The following EYA1 variants were observed in gnomAD, a reference collection of about 807,000 sequenced individuals.
EYA1 encodes the protein EYA transcriptional coactivator and phosphatase 1, also known as protein phosphatase EYA1.
EYA1 carries 16 observed loss-of-function variants against 82.0 expected under a neutral mutation model. The ratio of observed to expected loss-of-function variants is 0.20; its 90% CI spans 0.13 to 0.30. The LOEUF is 0.30. EYA1 is among the 10% of genes least tolerant of loss of function. The pLI, the probability that EYA1 is intolerant of heterozygous loss-of-function variation, is 1.00. For synonymous variants in EYA1, 261 were observed against 264.4 expected, an observed-to-expected ratio of 0.99 and a Z score of 0.12; for missense variants, 633 against 730.7, an observed-to-expected ratio of 0.87 and a Z score of 1.54.
chr8:71,235,807 G>T (rs1811763054), intron 12 of EYA1, among the ~76,000 whole-genome samples: 2 of 152,112 alleles, frequency 1.3e-5, no homozygotes, highest in African/African-American at 4.8e-5. Flanking sequence ...TAGCATGTCG[G>T]TTCTGAAACA....
chr8:71,397,189 T>G (rs972499751), intron 2 of EYA1, among the ~76,000 whole-genome samples: 4 of 152,158 alleles, frequency 2.6e-5, no homozygotes, highest in Non-Finnish European at 5.9e-5. Flanking sequence ...TGTCTCTGCA[T>G]GTGAGATGGG....
At chr8:71,384,634 TG>T (rs1480238656) in intron 2 of EYA1, among the ~76,000 whole-genome samples, 27 of 152,356 alleles carry the variant, frequency 1.8e-4, no homozygotes, top group African/African-American at 6.5e-4. Flanking sequence ...AACATTTGCT[TG>T]ATAAGTATTT....
intron 2 of EYA1, among the ~76,000 whole-genome samples, chr8:71,530,421 T>C (rs930735130): frequency 1.3e-5 from 2 of 152,202 alleles, no homozygotes; most frequent in South Asian, 4.1e-4. Flanking sequence ...TGTGGTACTT[T>C]GTTACAGAAG....
intron 2 of EYA1, among the ~76,000 whole-genome samples, chr8:71,475,073 A>G (rs1370454739): frequency 2.6e-5 from 4 of 152,190 alleles, no homozygotes; most frequent in Non-Finnish European, 4.4e-5. Flanking sequence ...CAGAGGTTTC[A>G]GTGAGCCGAG....
intron 17 of EYA1, among the ~76,000 whole-genome samples, chr8:71,207,642 T>A (rs1343584181): frequency 1.3e-5 from 2 of 152,176 alleles, no homozygotes; most frequent in Admixed American, 1.3e-4. Context: ...CTTTTTTGTG[T>A]GTGCCCTATA....
chr8:71,525,564 T>C, intron 2 of EYA1, among the ~76,000 whole-genome samples: 1 of 152,314 alleles, frequency 6.6e-6, no homozygotes, highest in East Asian at 1.9e-4. Context: ...ATAAGCTAAA[T>C]TAATCTATAT....
intron 2 of EYA1, among the ~76,000 whole-genome samples, chr8:71,445,793 C>A (rs528401534): frequency 2.2e-4 from 34 of 152,230 alleles, no homozygotes; most frequent in African/African-American, 7.7e-4. Context: ...CACCCACCAC[C>A]ACGCCCACCT....
intron 7 of EYA1, among the ~76,000 whole-genome samples, chr8:71,314,406 A>C (rs1201847746): frequency 6.6e-6 from 1 of 152,200 alleles, no homozygotes; most frequent in African/African-American, 2.4e-5. Context: ...CATTTTGGCA[A>C]GTTAATTTTC....
intron 2 of EYA1, among the ~76,000 whole-genome samples, chr8:71,511,282 T>C (rs1427572118): frequency 6.6e-6 from 1 of 152,214 alleles, no homozygotes. Context: ...TTCAGCATTG[T>C]TACCAGATGT....
chr8:71,389,668 A>C (rs938647211), intron 2 of EYA1, among the ~76,000 whole-genome samples: 6 of 152,230 alleles, frequency 3.9e-5, no homozygotes, highest in Admixed American at 3.9e-4. Flanking sequence ...AAAAAAATCA[A>C]ATGGTCCATG....
chr8:71,198,301 T>C lies in EYA1; in HGVS notation c.*1039A>G, dbSNP rs73684710. ...AAAAGTGAGGTGGTAGGAGAGCTCA[T>C]TTTGTTTCAAATTGTTTAAGAAACT... On this transcript the variant is annotated 3_prime_UTR_variant, in exon 18 of 18. Coordinates refer to ENST00000340726, the MANE Select transcript of EYA1 (RefSeq NM_000503.6). The C allele has an allele frequency of 2.0e-5, 3 of 152,774 alleles. No individual in the cohort carries two copies. Among genetic ancestry groups the C allele is most frequent in the African/African-American group, 4.8e-5 (2 of 41,574 alleles). The allele number at this position is 152,774 out of a possible 1,614,324, so 9.5% of individuals were successfully genotyped here.
intron 12 of EYA1, among the ~76,000 whole-genome samples, chr8:71,235,559 C>T (rs779874210): frequency 6.6e-6 from 1 of 152,146 alleles, no homozygotes; most frequent in Non-Finnish European, 1.5e-5. Context: ...TTAGCCAATA[C>T]TGCTTGATTT....
chr8:71,480,998 C>T (rs956070164), intron 2 of EYA1, among the ~76,000 whole-genome samples: 6 of 151,710 alleles, frequency 4.0e-5, no homozygotes, highest in Admixed American at 3.9e-4. Context: ...AGAAAAATTC[C>T]AGTAGCTCTA....
chr8:71,420,627 G>C (rs1204336148), intron 2 of EYA1, among the ~76,000 whole-genome samples: 2 of 152,130 alleles, frequency 1.3e-5, no homozygotes, highest in East Asian at 3.9e-4. Flanking sequence ...ATGTATATCT[G>C]ATACTAAAAA....
intron 11 of EYA1, among the ~76,000 whole-genome samples, chr8:71,251,835 T>C (rs1463011851): frequency 4.6e-5 from 7 of 152,154 alleles, no homozygotes; most frequent in Admixed American, 2.6e-4. Flanking sequence ...TTATTGATTT[T>C]TTTTTTAATC....
intron 2 of EYA1, among the ~76,000 whole-genome samples, chr8:71,478,801 C>G (rs183634979): frequency 6.6e-6 from 1 of 152,072 alleles, no homozygotes; most frequent in Admixed American, 6.6e-5. Flanking sequence ...AGAAGAAACA[C>G]GAGAGTCCCA....
chr8:71,524,758 G>A (rs1241092432), intron 2 of EYA1, among the ~76,000 whole-genome samples: 1 of 152,016 alleles, frequency 6.6e-6, no homozygotes, highest in Non-Finnish European at 1.5e-5. Context: ...TATTTGTATG[G>A]CCCAATACAA....
intron 6 of EYA1, among the ~76,000 whole-genome samples, chr8:71,321,144 C>A (rs925801884): frequency 2.6e-5 from 4 of 152,000 alleles, no homozygotes; most frequent in Non-Finnish European, 5.9e-5. Flanking sequence ...TTAAATTACA[C>A]CAAGATAAAG....
At chr8:71,465,259 T>C (rs951108074) in intron 2 of EYA1, among the ~76,000 whole-genome samples, 1 of 152,156 alleles carries the variant, frequency 6.6e-6, no homozygotes, top group Admixed American at 6.5e-5. Context: ...GGTAAACAAA[T>C]AGAGCAGAAA....
Sources: gnomAD v4.1 joint callset for allele counts (sites outside exome capture counted in the v4.1 genomes callset) on GRCh38, gnomAD v4.1.1 for gene constraint, MANE v1.5 for transcripts, NCBI Gene and HGNC (gene_info 2026-07-23, HGNC 2026-07-21) for gene names.